BCAP29: variants seen among roughly 807,000 people sequenced by gnomAD.
BCAP29 encodes the protein B-cell receptor-associated protein 29.
A neutral mutation model predicts 31.8 loss-of-function variants in BCAP29; 34 were observed. That is an observed-to-expected ratio of 1.07 (90% CI 0.81 to 1.42). The LOEUF is 1.42. Ranked by LOEUF, BCAP29 falls within the 40% of genes most tolerant of loss-of-function variation. The pLI, the probability that BCAP29 is intolerant of heterozygous loss-of-function variation, is 0.00. For synonymous variants in BCAP29, 104 were observed against 91.3 expected, an observed-to-expected ratio of 1.14 and a Z score of -0.79; for missense variants, 314 against 269.2, an observed-to-expected ratio of 1.17 and a Z score of -1.16.
intron 7 of BCAP29, among the ~76,000 whole-genome samples, chr7:107,617,029 G>T (rs963529093): frequency 1.3e-5 from 2 of 152,080 alleles, no homozygotes; most frequent in South Asian, 2.1e-4. Flanking sequence ...TCGAGCCACC[G>T]TGCCCAGCCA....
At chr7:107,589,668 C>T (rs1452862590) in intron 3 of BCAP29, among the ~76,000 whole-genome samples, 1 of 152,130 alleles carries the variant, frequency 6.6e-6, no homozygotes, top group African/African-American at 2.4e-5. Flanking sequence ...GTGTTGGGGA[C>T]CCCTGCTGTA....
At chr7:107,598,491 G>A (rs143917523) in intron 5 of BCAP29, among the ~76,000 whole-genome samples, 5 of 152,148 alleles carry the variant, frequency 3.3e-5, no homozygotes, top group African/African-American at 1.2e-4. Flanking sequence ...CAGTAGTACT[G>A]TATTTGGTCT....
At chr7:107,587,555 G>C (rs1300287742) in intron 3 of BCAP29, 1 of 151,878 alleles carries the variant, frequency 6.6e-6, no homozygotes, top group Non-Finnish European at 1.5e-5. Flanking sequence ...TTGGTTTTTT[G>C]GTAGTGGTTG....
intron 2 of BCAP29, among the ~76,000 whole-genome samples, chr7:107,582,543 C>T (rs1806893240): frequency 6.6e-6 from 1 of 152,156 alleles, no homozygotes; most frequent in African/African-American, 2.4e-5. Flanking sequence ...CCTATAACTG[C>T]ATGTTACTAA....
chr7:107,596,322 C>A (rs1182355752), intron 5 of BCAP29, among the ~76,000 whole-genome samples: 1 of 152,084 alleles, frequency 6.6e-6, no homozygotes, highest in Admixed American at 6.5e-5. Flanking sequence ...GTTAAGTTTA[C>A]TTTATAATCT....
chr7:107,581,920 C>T (rs1472219517), intron 2 of BCAP29, among the ~76,000 whole-genome samples: 3 of 152,126 alleles, frequency 2.0e-5, no homozygotes, highest in Non-Finnish European at 4.4e-5. Flanking sequence ...CTATATATCA[C>T]GTACTGAGAC....
At chr7:107,600,949 G>C (rs1247629812) in intron 6 of BCAP29, among the ~76,000 whole-genome samples, 1 of 152,180 alleles carries the variant, frequency 6.6e-6, no homozygotes, top group East Asian at 1.9e-4. Context: ...TTCCTTGAAA[G>C]AGGTGGGTAG....
Position 107,583,883 on chromosome 7 carries a change from T to C in BCAP29, c.94T>C (p.Trp32Arg), listed in dbSNP as rs769918435. 2.6e-6 allele frequency: 4 copies of C among 1,538,866 alleles called. No homozygotes were observed. In the South Asian group the frequency reaches 3.7e-5, roughly 14 times the overall value. ...TAATATAATTGTATTGCTTTACAGA[T>C]GGCAGAAGATTTTTTCATTTAATGT... The part of the protein sequence containing the change: ...FCLPFIPPQR[W>R]QKIFSFNVWG... Residue 32 changes from tryptophan (W) to arginine (R), a missense_variant and splice_region_variant, in exon 3 of 8, where the codon TGG becomes CGG. Trp to Arg is a moderately radical substitution (Grantham distance 101). Coordinates refer to ENST00000005259, the MANE Select transcript of BCAP29 (RefSeq NM_018844.4).
intron 3 of BCAP29, 102 bp downstream of exon 3, chr7:107,584,084 T>C: frequency 5.0e-6 from 3 of 597,254 alleles, no homozygotes; most frequent in Non-Finnish European, 5.5e-6. Flanking sequence ...GTTGACTTTA[T>C]ATAGTATATT....
At position 107,618,482 on chromosome 7, in the gene BCAP29, A is replaced by T. The variant is rs1233625598; in HGVS notation, c.*119A>T. ...ACCGGTTCGTAATTTTTTTAATGCC[A>T]CACATAGGTTGTATTGTAATGGCAT... On this transcript the variant is annotated 3_prime_UTR_variant, in exon 8 of 8. Transcript: ENST00000005259. 6.2e-7 allele frequency: 1 copy of T among 1,612,870 alleles called. No homozygotes were observed. Among genetic ancestry groups the T allele is most frequent in the Non-Finnish European group, 8.5e-7 (1 of 1,179,264 alleles).
At chr7:107,622,196 G>T (rs1034704069), downstream of BCAP29, 15 of 192,536 alleles carry the variant, frequency 7.8e-5, no homozygotes, top group African/African-American at 3.5e-4. Context: ...TCATATACAT[G>T]CTCTCAGCAG....
intron 6 of BCAP29, among the ~76,000 whole-genome samples, chr7:107,604,272 G>GT (rs1464267775): frequency 1.3e-5 from 2 of 151,950 alleles, no homozygotes; most frequent in African/African-American, 2.4e-5. Context: ...AAGATGTTAA[G>GT]TTTTTTTTAC....
intron 3 of BCAP29, among the ~76,000 whole-genome samples, chr7:107,593,179 G>A (rs1316611708): frequency 6.6e-6 from 1 of 152,232 alleles, no homozygotes; most frequent in African/African-American, 2.4e-5. Context: ...TTGGTCGCAT[G>A]AAAGGGGAGC....
intron 6 of BCAP29, among the ~76,000 whole-genome samples, chr7:107,609,521 T>C (rs1424567475): frequency 6.6e-6 from 1 of 152,198 alleles, no homozygotes; most frequent in African/African-American, 2.4e-5. Flanking sequence ...ATCAACAAAC[T>C]TTATCAACAG....
chr7:107,586,145 A>G (rs1475622347), intron 3 of BCAP29, among the ~76,000 whole-genome samples: 1 of 152,194 alleles, frequency 6.6e-6, no homozygotes, highest in Non-Finnish European at 1.5e-5. Flanking sequence ...TCTTGGCCAT[A>G]TACATTTTTC....
intron 7 of BCAP29, among the ~76,000 whole-genome samples, chr7:107,613,902 G>GA (rs1813678576): frequency 6.6e-6 from 1 of 152,056 alleles, no homozygotes; most frequent in African/African-American, 2.4e-5. Flanking sequence ...ATGGAAATGG[G>GA]AAAAAAATGT....
At chr7:107,587,616 A>G (rs1474665407) in intron 3 of BCAP29, 1 of 152,172 alleles carries the variant, frequency 6.6e-6, no homozygotes, top group Non-Finnish European at 1.5e-5. Flanking sequence ...CAAAGGGGAA[A>G]TAGCCATTAA....
At chr7:107,607,081 G>C (rs539608829) in intron 6 of BCAP29, among the ~76,000 whole-genome samples, 3 of 152,164 alleles carry the variant, frequency 2.0e-5, no homozygotes, top group Admixed American at 6.5e-5. Context: ...TTGGGAGGCC[G>C]GGGCAGGTGG....
At chr7:107,605,712 C>T (rs1811964883) in intron 6 of BCAP29, among the ~76,000 whole-genome samples, 2 of 152,222 alleles carry the variant, frequency 1.3e-5, no homozygotes, top group Admixed American at 6.5e-5. Flanking sequence ...GAGATAATTA[C>T]TTTGAATGCC....
Sources: allele counts gnomAD v4.1 joint callset (sites outside exome capture counted in the v4.1 genomes callset), GRCh38; gene constraint gnomAD v4.1.1; transcripts MANE v1.5; gene names NCBI Gene and HGNC (gene_info 2026-07-23, HGNC 2026-07-21).